NCK2: variants seen among roughly 807,000 people sequenced by gnomAD.
NCK2 encodes NCK adaptor protein 2, also known as cytoplasmic protein NCK2.
In NCK2, 16 loss-of-function variants were observed where a neutral mutation model predicts 33.9. That is an observed-to-expected ratio of 0.47 (90% CI 0.32 to 0.72). The LOEUF is 0.72. Ranked by LOEUF, NCK2 falls within the 30% of genes least tolerant of loss-of-function variation. The probability of loss-of-function intolerance (pLI) is 0.03; values close to 1 mark genes in which losing one functional copy is unlikely to be tolerated. For missense variants in NCK2, 418 were observed against 537.3 expected (o/e 0.78, Z 2.19); for synonymous variants, 273 against 239.9 (o/e 1.14, Z -1.27).
chr2:105,846,030 T>A (rs1676842763), intron 2 of NCK2, among the ~76,000 whole-genome samples: 1 of 152,188 alleles, frequency 6.6e-6, no homozygotes, highest in Non-Finnish European at 1.5e-5. Context: ...GTTAACATCA[T>A]GTAAGAAAAT....
chr2:105,832,033 T>C (rs1417948441), intron 2 of NCK2, among the ~76,000 whole-genome samples: 1 of 152,176 alleles, frequency 6.6e-6, no homozygotes, highest in Non-Finnish European at 1.5e-5. Context: ...TCCTCTTCAA[T>C]TTCTTTTATC....
At chr2:105,882,785 C>CA (rs1406780333) in intron 4 of NCK2, among the ~76,000 whole-genome samples, 2 of 152,174 alleles carry the variant, frequency 1.3e-5, no homozygotes, top group African/African-American at 4.8e-5. Flanking sequence ...ACCAGTTTTG[C>CA]AAACGTCTTT....
intron 1 of NCK2, among the ~76,000 whole-genome samples, chr2:105,791,353 T>C (rs1573597388): frequency 1.3e-5 from 2 of 152,192 alleles, no homozygotes; most frequent in African/African-American, 4.8e-5. Context: ...CGTTTTTCTC[T>C]TCACTCCAGA....
At chr2:105,886,790 C>T (rs553429866) in intron 4 of NCK2, among the ~76,000 whole-genome samples, 29 of 152,318 alleles carry the variant, frequency 1.9e-4, no homozygotes, top group African/African-American at 5.8e-4. Flanking sequence ...GGGCTAACCA[C>T]ACACATGCAT....
intron 4 of NCK2, among the ~76,000 whole-genome samples, chr2:105,884,882 C>T (rs773891810): frequency 3.3e-5 from 5 of 152,142 alleles, no homozygotes; most frequent in Non-Finnish European, 7.3e-5. Flanking sequence ...GTTGCTTATT[C>T]TCCATATTTC....
intron 2 of NCK2, among the ~76,000 whole-genome samples, chr2:105,853,596 T>A (rs1033903451): frequency 5.9e-5 from 9 of 152,222 alleles, no homozygotes; most frequent in Non-Finnish European, 1.3e-4. Flanking sequence ...CATAGATTTG[T>A]CTTTTCCAGT....
intron 3 of NCK2, 65 bp from the exon 4 acceptor site, chr2:105,881,263 G>T: frequency 6.6e-7 from 1 of 1,510,832 alleles, no homozygotes; most frequent in Non-Finnish European, 8.8e-7. Context: ...GGAAATCCCG[G>T]TAGGCTAGGG....
At chr2:105,842,992 T>TC (rs1299964672) in intron 2 of NCK2, among the ~76,000 whole-genome samples, 1 of 152,170 alleles carries the variant, frequency 6.6e-6, no homozygotes, top group Admixed American at 6.5e-5. Flanking sequence ...ATTATTTTCT[T>TC]CAACAGCATG....
chr2:105,865,226 GT>G (rs2104613217), intron 3 of NCK2, among the ~76,000 whole-genome samples: 1 of 152,322 alleles, frequency 6.6e-6, no homozygotes, highest in South Asian at 2.1e-4. Context: ...AGTGCCTAAA[GT>G]GTGCTAGGTA....
At chr2:105,881,021 A>G (rs1678454852) in intron 3 of NCK2, among the ~76,000 whole-genome samples, 1 of 147,380 alleles carries the variant, frequency 6.8e-6, no homozygotes, top group Non-Finnish European at 1.5e-5. Flanking sequence ...CCTGGCCTCA[A>G]GCAATCTTCC....
chr2:105,855,380 A>AG (rs903198882), intron 3 of NCK2, 91 bp downstream of exon 3: 13 of 1,065,810 alleles, frequency 1.2e-5, no homozygotes, highest in African/African-American at 1.6e-5. Flanking sequence ...AAAAAAAAAA[A>AG]AGTCTGTTTT....
chr2:105,749,655 C>T (rs1025501641), intron 1 of NCK2, among the ~76,000 whole-genome samples: 16 of 152,010 alleles, frequency 1.1e-4, no homozygotes, highest in Admixed American at 2.0e-4. Flanking sequence ...CTGCCTTTGC[C>T]GTGTCGCAGC....
rs114905728 is a variant in NCK2 at position 105,855,006 on chromosome 2, G to A, written c.-16-42G>A. 1,592 of 1,467,160 alleles carry A rather than the reference G, an allele frequency of 1.1e-3. 9 individuals carry two copies. In the African/African-American group the frequency reaches 0.016, roughly 15 times the overall value. The allele number at this position is 1,467,160 out of a possible 1,614,324, so 90.9% of individuals were successfully genotyped here. ...AGTTGGTGCAAAGGATGAAGTGTCC[G>A]GGTAGTTCTCTAATGAGCATCTCCA... On this transcript the variant is annotated intron_variant, in intron 2 of 4. Coordinates refer to ENST00000233154, the MANE Select transcript of NCK2 (RefSeq NM_003581.5).
intron 1 of NCK2, among the ~76,000 whole-genome samples, chr2:105,793,013 T>C (rs553473931): frequency 6.6e-6 from 1 of 152,230 alleles, no homozygotes; most frequent in South Asian, 2.1e-4. Context: ...TGGGATTCTT[T>C]CCTGTCCTGT....
At chr2:105,791,578 G>A (rs917738764) in intron 1 of NCK2, among the ~76,000 whole-genome samples, 4 of 152,146 alleles carry the variant, frequency 2.6e-5, no homozygotes, top group African/African-American at 9.7e-5. Flanking sequence ...TGTTTTTAGA[G>A]CACTCTTGTG....
intron 1 of NCK2, among the ~76,000 whole-genome samples, chr2:105,749,006 A>G (rs1210842085): frequency 1.3e-5 from 2 of 152,156 alleles, no homozygotes; most frequent in African/African-American, 4.8e-5. Context: ...CTATTTGGCA[A>G]ATTTTCTGTC....
chr2:105,784,867 A>T (rs939450108), intron 1 of NCK2, among the ~76,000 whole-genome samples: 1 of 152,190 alleles, frequency 6.6e-6, no homozygotes, highest in African/African-American at 2.4e-5. Context: ...TACACGAGTA[A>T]AGTTAGGAAC....
Position 105,795,990 on chromosome 2 carries a change from A to C in NCK2, c.-200-20440A>C, listed in dbSNP as rs183727209. 1.9e-4 allele frequency among the ~76,000 whole-genome samples: 29 copies of C among 152,384 alleles called. 1 individual carries two copies. In the Middle Eastern group the frequency reaches 0.017, roughly 89 times the overall value. Reference sequence around the variant, plus strand: ...TATTACCAGTCTTGTAAAAAGAGCAAAACAGTTTAGCATTTGAAAGCTCTA... The same window carrying C: ...TATTACCAGTCTTGTAAAAAGAGCACAACAGTTTAGCATTTGAAAGCTCTA... On this transcript the variant is annotated intron_variant, in intron 1 of 4. Coordinates refer to ENST00000233154, the MANE Select transcript of NCK2 (RefSeq NM_003581.5).
chr2:105,843,776 C>T (rs1676741405), intron 2 of NCK2, among the ~76,000 whole-genome samples: 1 of 152,158 alleles, frequency 6.6e-6, no homozygotes, highest in Non-Finnish European at 1.5e-5. Flanking sequence ...AGAGAAATCT[C>T]CTGTGCAAAA....
Sources: gnomAD v4.1 joint callset for allele counts (sites outside exome capture counted in the v4.1 genomes callset) on GRCh38, gnomAD v4.1.1 for gene constraint, MANE v1.5 for transcripts, NCBI Gene and HGNC (gene_info 2026-07-23, HGNC 2026-07-21) for gene names.